Variants in STARD4 observed in about 807,000 individuals in gnomAD.
STARD4 encodes stAR-related lipid transfer protein 4.
STARD4 carries 33 observed loss-of-function variants against 24.9 expected under a neutral mutation model. That is an observed-to-expected ratio of 1.32 (90% confidence interval 1.00 to 1.77). STARD4 has a LOEUF of 1.77. STARD4 is among the 40% of genes most tolerant of loss of function. The pLI is 0.00. For missense variants in STARD4, 238 were observed against 249.3 expected, an observed-to-expected ratio of 0.95 and a Z score of 0.31; for synonymous variants, 88 against 77.4, an observed-to-expected ratio of 1.14 and a Z score of -0.72.
intron 3 of STARD4, among the ~76,000 whole-genome samples, chr5:111,503,354 G>C (rs1232719003): frequency 6.6e-6 from 1 of 152,230 alleles, no homozygotes; most frequent in Admixed American, 6.5e-5. Flanking sequence ...AAATGGGCCA[G>C]GCGCGGTGGC....
At chr5:111,500,242 AT>A (rs1253758589) in intron 5 of STARD4, 136 bp from the exon 6 acceptor site, 2 of 1,367,392 alleles carry the variant, frequency 1.5e-6, no homozygotes, top group Non-Finnish European at 1.9e-6. Flanking sequence ...CAAAGTGACC[AT>A]GGCAGAGTGA....
chr5:111,509,206 G>A (rs1757073105), intron 1 of STARD4, among the ~76,000 whole-genome samples: 1 of 152,012 alleles, frequency 6.6e-6, no homozygotes, highest in African/African-American at 2.4e-5. Flanking sequence ...TCTATTACAG[G>A]GATCACTATG....
At chr5:111,502,801 A>T (rs143582751) in intron 3 of STARD4, among the ~76,000 whole-genome samples, 45 of 148,168 alleles carry the variant, frequency 3.0e-4, no homozygotes, top group East Asian at 4.0e-4. Flanking sequence ...CTCAAAAAAA[A>T]AATAATAATA....
chr5:111,506,526 T>C, intron 2 of STARD4, 147 bp from the exon 3 acceptor site: 1 of 406,194 alleles, frequency 2.5e-6, no homozygotes, highest in East Asian at 3.9e-5. Context: ...ATCTATACCA[T>C]AAAAGGATTT....
intron 3 of STARD4, chr5:111,504,955 C>G (rs1044977929): frequency 2.5e-5 from 11 of 439,952 alleles, no homozygotes; most frequent in Non-Finnish European, 4.9e-5. Context: ...CCCTTTTTGA[C>G]TTCTGTGCTG....
intron 3 of STARD4, 137 bp downstream of exon 3, chr5:111,506,193 C>CAA (rs878865342): frequency 4.9e-3 from 393 of 80,764 alleles, no homozygotes; most frequent in South Asian, 0.011. Context: ...GACTCTGTCT[C>CAA]AAAAAAAAAA....
In STARD4 at chr5:111,496,485, C is replaced by T. The variant is rs1414351640; in HGVS notation, c.*3401G>A. ...TACAGGGTAGGGATCACTACAGTCC[C>T]ATTTAATTAAAAGAAACTGGATTTA... On this transcript the variant is annotated 3_prime_UTR_variant, in exon 6 of 6. Coordinates refer to ENST00000296632, the MANE Select transcript of STARD4 (RefSeq NM_139164.3). 1 of 152,012 alleles carries T rather than the reference C, an allele frequency of 6.6e-6. No individual in the cohort carries two copies. Among genetic ancestry groups the T allele is most frequent in the African/African-American group, 2.4e-5 (1 of 41,406 alleles). The allele number at this position is 152,012 out of a possible 1,614,324, so 9.4% of individuals were successfully genotyped here.
intron 5 of STARD4, chr5:111,500,590 C>A: frequency 9.1e-7 from 1 of 1,097,732 alleles, no homozygotes; most frequent in Non-Finnish European, 1.1e-6. Context: ...CTTCCAATGG[C>A]AGTATTTTTA....
rs1052331456 is a variant in STARD4 at position 111,496,965 on chromosome 5, T to C, written c.*2921A>G. 2 of 152,040 alleles carry C rather than the reference T, an allele frequency of 1.3e-5. No individual in the cohort carries two copies. The highest frequency in any genetic ancestry group is 6.6e-5 in the Admixed American group (1 of 15,252). The allele number at this position is 152,040 out of a possible 1,614,324, so 9.4% of individuals were successfully genotyped here. Reference sequence around the variant, plus strand: ...TTTTTTTGAGTACTGTTTTAAACTTTAAGGGTTAACTAAGAGTTATCAACA... The same window carrying C: ...TTTTTTTGAGTACTGTTTTAAACTTCAAGGGTTAACTAAGAGTTATCAACA... On this transcript the variant is annotated 3_prime_UTR_variant, in exon 6 of 6. Transcript: ENST00000296632.
intron 3 of STARD4, among the ~76,000 whole-genome samples, chr5:111,502,304 A>T (rs2112548215): frequency 6.6e-6 from 1 of 152,142 alleles, no homozygotes; most frequent in African/African-American, 2.4e-5. Flanking sequence ...ACCTGTCTCT[A>T]CTAAAATTAC....
chr5:111,511,246 G>T (rs1461385788), intron 1 of STARD4, among the ~76,000 whole-genome samples: 8 of 151,878 alleles, frequency 5.3e-5, no homozygotes, highest in African/African-American at 9.7e-5. Context: ...TATGAATAGT[G>T]AGCCAACTTA....
chr5:111,510,306 GCTCT>G (rs1235050677), intron 1 of STARD4, among the ~76,000 whole-genome samples: 2 of 152,128 alleles, frequency 1.3e-5, no homozygotes, highest in Admixed American at 1.3e-4. Context: ...CAAGGTCTTG[GCTCT>G]CTCTCCTAAT....
chr5:111,502,206 T>G, intron 3 of STARD4, 118 bp from the exon 4 acceptor site: 1 of 1,193,372 alleles, frequency 8.4e-7, no homozygotes, highest in Non-Finnish European at 1.2e-6. Flanking sequence ...GGGTGGCTCA[T>G]GTCTGTAATC....
At chr5:111,501,873 A>ACAAAT in intron 4 of STARD4, 89 bp downstream of exon 4, 1 of 1,535,408 alleles carries the variant, frequency 6.5e-7, no homozygotes, top group Non-Finnish European at 8.9e-7. Context: ...ATAAGTGTGT[A>ACAAAT]CAAATGCTCA....
chr5:111,502,185 T>TA (rs1238949403), intron 3 of STARD4, 97 bp from the exon 4 acceptor site: 10 of 1,404,072 alleles, frequency 7.1e-6, no homozygotes, highest in Non-Finnish European at 7.6e-6. Flanking sequence ...GGAAAAAAAT[T>TA]AGGCCGGGTA....
At chr5:111,508,184 C>T (rs1422166191) in intron 1 of STARD4, among the ~76,000 whole-genome samples, 1 of 151,996 alleles carries the variant, frequency 6.6e-6, no homozygotes, top group Non-Finnish European at 1.5e-5. Flanking sequence ...ACTATTACAT[C>T]GTTATTTTCT....
intron 3 of STARD4, chr5:111,505,125 T>C (rs1245686832): frequency 4.6e-6 from 2 of 431,680 alleles, no homozygotes; most frequent in Admixed American, 5.5e-5. Flanking sequence ...ATGAACTCTT[T>C]CATTCCTTAA....
At chr5:111,512,228 A>C (rs1757364667) in intron 1 of STARD4, 157 bp downstream of exon 1, 1 of 152,410 alleles carries the variant, frequency 6.6e-6, no homozygotes, top group Non-Finnish European at 1.5e-5. Context: ...TCCCGCCCGG[A>C]CGCCGGGGCC....
chr5:111,506,639 A>T (rs183120273), intron 2 of STARD4, among the ~76,000 whole-genome samples: 51 of 152,340 alleles, frequency 3.3e-4, no homozygotes, highest in Middle Eastern at 6.8e-3. Flanking sequence ...CAAACACTGT[A>T]AGATTCAATG....
Sources: gnomAD v4.1 joint callset for allele counts (sites outside exome capture counted in the v4.1 genomes callset) on GRCh38, gnomAD v4.1.1 for gene constraint, MANE v1.5 for transcripts, NCBI Gene and HGNC (gene_info 2026-07-23, HGNC 2026-07-21) for gene names.